ZNF587B: variants seen among roughly 807,000 people sequenced by gnomAD.
ZNF587B encodes the protein zinc finger protein 587B.
A neutral mutation model predicts 7.2 loss-of-function variants in ZNF587B; 6 were observed. The ratio of observed to expected loss-of-function variants is 0.83; its 90% CI spans 0.46 to 1.65. The LOEUF (loss-of-function observed/expected upper bound fraction) is 1.65, where lower values mean the gene tolerates loss of function less well. ZNF587B is among the 40% of genes most tolerant of loss of function. The pLI is 0.01. For missense variants in ZNF587B, 749 were observed against 761.0 expected, an observed-to-expected ratio of 0.98 and a Z score of 0.19; for synonymous variants, 274 against 254.3, an observed-to-expected ratio of 1.08 and a Z score of -0.74.
intron 1 of ZNF587B, among the ~76,000 whole-genome samples, chr19:57,831,708 ATT>A (rs61217870): frequency 5.1e-5 from 7 of 138,006 alleles, no homozygotes; most frequent in Non-Finnish European, 6.3e-5. Flanking sequence ...TTATTTATTT[ATT>A]TTTTTTTTTT....
At position 57,830,373 on chromosome 19, in the gene ZNF587B, C is replaced by T. The variant is rs973305293; in HGVS notation, c.-156C>T. ...CACTGCGGTGACTGAACCCAGAAGG[C>T]GGAGAACAGTTGTCCTCTGCTGCAC... On this transcript the variant is annotated 5_prime_UTR_variant, in exon 1 of 3. Transcript: ENST00000594901. The T allele has an allele frequency of 2.9e-5, 21 of 719,656 alleles. 1 individual carries two copies. The highest frequency in any genetic ancestry group is 4.1e-5 in the Non-Finnish European group (18 of 439,630). 44.6% of individuals were successfully genotyped at this position (719,656 alleles called of 1,614,324 possible).
At position 57,845,506 on chromosome 19, in the gene ZNF587B, C is replaced by A. The variant is rs986939127; in HGVS notation, c.*2930C>A. 6.6e-6 allele frequency: 1 copy of A among 152,160 alleles called. No individual in the cohort carries two copies. The highest frequency in any genetic ancestry group is 2.4e-5 in the African/African-American group (1 of 41,436). The allele number at this position is 152,160 out of a possible 1,614,324, so 9.4% of individuals were successfully genotyped here. On this transcript the variant is annotated 3_prime_UTR_variant, in exon 3 of 3. Transcript: ENST00000594901. ...GGAGGAACAGAATAGGGAAAAAGAT[C>A]TCAGTTCAGTGATGTAGCTTTGTGA...
chr19:57,831,627 C>G (rs1988399482), intron 1 of ZNF587B, among the ~76,000 whole-genome samples: 1 of 152,126 alleles, frequency 6.6e-6, no homozygotes, highest in African/African-American at 2.4e-5. Context: ...CACCTGATCT[C>G]AGGTGATTCA....
In ZNF587B at chr19:57,841,052, G is replaced by T. The variant is rs571763454; in HGVS notation, c.378G>T (p.Gly126=). ...KQKLHRCEAW[G]NKLYDSGNFH... The stretch of plus-strand genomic sequence containing the variant: ...AACTGCACAGGTGTGAGGCCTGGGG[G>T]AATAAATTGTATGACAGTGGAAACT... The change falls in exon 3 of 3, where the codon GGG becomes GGT. Residue 126 remains glycine, a synonymous_variant. Coordinates refer to ENST00000594901, the MANE Select transcript of ZNF587B (RefSeq NM_001376223.1). The T allele has an allele frequency of 6.2e-7, 1 of 1,613,354 alleles. No homozygotes were observed. The highest frequency in any genetic ancestry group is 2.2e-5 in the East Asian group (1 of 44,866).
At position 57,842,622 on chromosome 19, in the gene ZNF587B, C is replaced by T. The variant is rs1988905046; in HGVS notation, c.*46C>T. 1 of 1,388,442 alleles carries T rather than the reference C, an allele frequency of 7.2e-7. No homozygotes were observed. The highest frequency in any genetic ancestry group is 9.3e-7 in the Non-Finnish European group (1 of 1,072,700). The allele number at this position is 1,388,442 out of a possible 1,614,324, so 86.0% of individuals were successfully genotyped here. On this transcript the variant is annotated 3_prime_UTR_variant, in exon 3 of 3. Coordinates refer to ENST00000594901, the MANE Select transcript of ZNF587B (RefSeq NM_001376223.1). The stretch of plus-strand genomic sequence containing the variant: ...CTCATTAAATACAGGAGAGCACACA[C>T]CTGAGTAAGATCTTGTGATTGCAGC...
In ZNF587B at chr19:57,843,497, T is replaced by G; in HGVS notation, c.*921T>G. The G allele has an allele frequency of 1.0e-6, 1 of 985,292 alleles. No individual in the cohort carries two copies. The allele number at this position is 985,292 out of a possible 1,614,324, so 61.0% of individuals were successfully genotyped here. A position where few individuals can be genotyped will look rare whatever the true frequency, so the allele number is the denominator to read the frequency against. The stretch of plus-strand genomic sequence containing the variant: ...TACCCACATTGCATCATTCACCTAT[T>G]TCGTATTCTAGAAGTATATTTTGGT... On this transcript the variant is annotated 3_prime_UTR_variant, in exon 3 of 3. Transcript: ENST00000594901.
chr19:57,842,774 A>G lies in ZNF587B; in HGVS notation c.*198A>G. 1 of 985,456 alleles carries G rather than the reference A, an allele frequency of 1.0e-6. No homozygotes were observed. The highest frequency in any genetic ancestry group is 1.2e-6 in the Non-Finnish European group (1 of 829,930). The allele number at this position is 985,456 out of a possible 1,614,324, so 61.0% of individuals were successfully genotyped here. On this transcript the variant is annotated 3_prime_UTR_variant, in exon 3 of 3. Transcript: ENST00000594901. The stretch of plus-strand genomic sequence containing the variant: ...TGTAGCCACACCTCTGTATTCCTTC[A>G]GGATTATATTTAACACTGAATGAAG...
chr19:57,830,960 G>A (rs1359596383), intron 1 of ZNF587B, among the ~76,000 whole-genome samples: 2 of 152,106 alleles, frequency 1.3e-5, no homozygotes, highest in African/African-American at 4.8e-5. Flanking sequence ...AAGTAGGCAA[G>A]AAAAGTTAAA....
chr19:57,836,591 A>C (rs1014723542), intron 1 of ZNF587B, among the ~76,000 whole-genome samples: 1 of 152,170 alleles, frequency 6.6e-6, no homozygotes, highest in African/African-American at 2.4e-5. Flanking sequence ...CCTACGATCA[A>C]GCAGTGCTTC....
chr19:57,843,339 A>T lies in ZNF587B; in HGVS notation c.*763A>T, dbSNP rs1301013965. On this transcript the variant is annotated 3_prime_UTR_variant, in exon 3 of 3. Transcript: ENST00000594901. ...TGGGAGGAGATCCTTTGAGGGCACC[A>T]TGTGCCCAAATTGAAAAAACTCCAG... 6 of 985,246 alleles carry T rather than the reference A, an allele frequency of 6.1e-6. No homozygotes were observed. The East Asian group carries it at 5.7e-4, about 93-fold the overall frequency. The allele number at this position is 985,246 out of a possible 1,614,324, so 61.0% of individuals were successfully genotyped here.
chr19:57,831,947 A>G, intron 1 of ZNF587B, among the ~76,000 whole-genome samples: 1 of 148,130 alleles, frequency 6.8e-6, no homozygotes, highest in Non-Finnish European at 1.5e-5. Flanking sequence ...CTCAGGCAAT[A>G]CGCTCGCCTC....
intron 2 of ZNF587B, among the ~76,000 whole-genome samples, chr19:57,839,956 G>A (rs971732894): frequency 3.9e-5 from 6 of 152,050 alleles, no homozygotes; most frequent in South Asian, 2.1e-4. Context: ...GCATGTGCCT[G>A]TAGTCCCAGC....
chr19:57,830,601 A>C, intron 1 of ZNF587B, 37 bp downstream of exon 1: 2 of 1,547,974 alleles, frequency 1.3e-6, no homozygotes, highest in South Asian at 1.2e-5. Context: ...AGGTCACCTC[A>C]TCATCACCCA....
In ZNF587B at chr19:57,842,449, G is replaced by T; in HGVS notation, c.1775G>T (p.Ser592Ile). The T allele has an allele frequency of 6.2e-7, 1 of 1,602,294 alleles. No individual in the cohort carries two copies. The highest frequency in any genetic ancestry group is 8.5e-7 in the Non-Finnish European group (1 of 1,175,092). ...GGGAAATCTTTTGCTGGAATCTCCA[G>T]TCTCACTAATCACAGGAGAGTTCAC... ...ECGKSFAGIS[S>I]LTNHRRVHTG... is the part of the protein sequence containing the mutation. Residue 592 changes from serine to isoleucine, a missense_variant, in exon 3 of 3, where the codon AGT (serine) becomes ATT (isoleucine). Ser to Ile is a moderately radical substitution (Grantham distance 142). Around this residue, in one of 3 missense-constraint regions of ZNF587B, gnomAD observed 656 missense variants for 596.5 expected, o/e 1.10. Coordinates refer to ENST00000594901, the MANE Select transcript of ZNF587B (RefSeq NM_001376223.1).
rs1245044370 is a variant in ZNF587B, at chr19:57,844,741, T to G, written c.*2165T>G. ...TGTCAATATCACACTGAAAGATTGG[T>G]GATTTTTTTTGAACCAGACAAAATT... is the stretch of plus-strand genomic sequence containing the variant. On this transcript the variant is annotated 3_prime_UTR_variant, in exon 3 of 3. Coordinates refer to ENST00000594901, the MANE Select transcript of ZNF587B (RefSeq NM_001376223.1). The G allele has an allele frequency of 1.3e-5, 2 of 152,270 alleles. No individual in the cohort carries two copies. Among genetic ancestry groups the G allele is most frequent in the Non-Finnish European group, 2.9e-5 (2 of 68,162 alleles). 9.4% of individuals were successfully genotyped at this position (152,270 alleles called of 1,614,324 possible). A position where few individuals can be genotyped will look rare whatever the true frequency, so the allele number is the denominator to read the frequency against.
At chr19:57,836,619 G>A (rs570083349) in intron 1 of ZNF587B, among the ~76,000 whole-genome samples, 1 of 152,110 alleles carries the variant, frequency 6.6e-6, no homozygotes, top group Admixed American at 6.6e-5. Flanking sequence ...ACCTCTCAGA[G>A]TGCTGGGATT....
At position 57,841,326 on chromosome 19, in the gene ZNF587B, G is replaced by A; in HGVS notation, c.652G>A (p.Asp218Asn). 6.2e-7 allele frequency: 1 copy of A among 1,610,846 alleles called. No homozygotes were observed. The stretch of plus-strand genomic sequence containing the variant: ...TGGGGGAGCTCACTATAGCCATGGA[G>A]ATTCCATGAAACATTTTAGCACCAA... ...QCGGAHYSHG[D>N]SMKHFSTKHI... is the part of the protein sequence containing the mutation. The change falls in exon 3 of 3, where the codon GAT becomes AAT. Residue 218 changes from aspartate (D) to asparagine (N), a missense_variant. Physicochemically the swap from Asp to Asn is conservative, Grantham distance 23. Around this residue, in one of 3 missense-constraint regions of ZNF587B, gnomAD observed 656 missense variants for 596.5 expected, o/e 1.10. Transcript: ENST00000594901.
At position 57,832,386 on chromosome 19, in the gene ZNF587B, A is replaced by G. The variant is rs549831470; in HGVS notation, c.36+1822A>G. On this transcript the variant is annotated intron_variant, in intron 1 of 2. Transcript: ENST00000594901. ...AGGCGTGAGCCACTGTGCCCGGCCAATTCTATTTAATTATTTTAATTTCTT... is the reference window on the plus strand; with the variant it reads ...AGGCGTGAGCCACTGTGCCCGGCCAGTTCTATTTAATTATTTTAATTTCTT... 9.2e-4 allele frequency among the ~76,000 whole-genome samples: 140 copies of G among 152,332 alleles called. 1 individual carries two copies. The highest frequency in any genetic ancestry group is 1.4e-3 in the Non-Finnish European group (98 of 68,026).
At chr19:57,838,768 C>T (rs140870877) in intron 1 of ZNF587B, among the ~76,000 whole-genome samples, 4,491 of 152,220 alleles carry the variant, frequency 0.03, 214 homozygotes, top group African/African-American at 0.1. Context: ...CCACATTGGG[C>T]TTCCCATGAC....
Sources: gnomAD v4.1 joint callset for allele counts (sites outside exome capture counted in the v4.1 genomes callset) on GRCh38, gnomAD v4.1.1 for gene constraint, gnomAD v4.1.1 regional missense constraint, MANE v1.5 for transcripts, NCBI Gene and HGNC (gene_info 2026-07-23, HGNC 2026-07-21) for gene names.